Variants in NODAL observed in about 807,000 individuals in gnomAD.
NODAL encodes nodal homolog.
A neutral mutation model predicts 34.0 loss-of-function variants in NODAL; 12 were observed. That is an observed-to-expected ratio of 0.35 (90% CI 0.23 to 0.57). NODAL has a LOEUF of 0.57. Among genes scored for constraint, NODAL ranks in the 20% least tolerant of loss-of-function variants. The pLI, the probability that NODAL is intolerant of heterozygous loss-of-function variation, is 0.83. For missense variants in NODAL, 390 were observed against 444.2 expected (o/e 0.88, Z 1.10); for synonymous variants, 162 against 186.4 (o/e 0.87, Z 1.07).
In NODAL at chr10:70,435,846, T is replaced by C. The variant is rs768992025; in HGVS notation, c.331A>G (p.Ile111Val). 4 of 1,614,088 alleles carry C rather than the reference T, an allele frequency of 2.5e-6. No individual in the cohort carries two copies. In the East Asian group the frequency reaches 6.7e-5, roughly 27 times the overall value. ...VDLPTEGSLAIEIFHQPKPDT... is the reference protein window; with the variant it reads ...VDLPTEGSLAVEIFHQPKPDT... ...GGCTTTGGCTGGTGGAAAATCTCAATGGCAAGTGAGCCCTCAGTGGGGAGG... is the reference window on the plus strand; with the variant it reads ...GGCTTTGGCTGGTGGAAAATCTCAACGGCAAGTGAGCCCTCAGTGGGGAGG... The change falls in exon 2 of 3, where the codon ATT becomes GTT. Residue 111 changes from isoleucine (I) to valine (V), a missense_variant. Ile to Val is a conservative substitution (Grantham distance 29). Transcript: ENST00000287139.
At chr10:70,444,208 C>T (rs1387455353), upstream of NODAL, among the ~76,000 whole-genome samples, 3 of 152,154 alleles carry the variant, frequency 2.0e-5, no homozygotes, top group Admixed American at 6.5e-5. Context: ...GCTGGGATTA[C>T]AGGCGTGAAC....
intron 1 of NODAL, among the ~76,000 whole-genome samples, chr10:70,440,740 A>C (rs1252743503): frequency 1.3e-5 from 2 of 152,018 alleles, no homozygotes; most frequent in Non-Finnish European, 2.9e-5. Context: ...TCCCCTGCAA[A>C]TCATGGCCCC....
upstream of NODAL, among the ~76,000 whole-genome samples, chr10:70,444,771 T>C (rs987825979): frequency 6.6e-6 from 1 of 152,176 alleles, no homozygotes; most frequent in Non-Finnish European, 1.5e-5. Context: ...ACGAAATGAA[T>C]GTAAAAATGC....
At chr10:70,436,245 C>T (rs962943349) in intron 1 of NODAL, 2 of 519,426 alleles carry the variant, frequency 3.9e-6, no homozygotes, top group Non-Finnish European at 7.0e-6. Context: ...CTGGATTTGC[C>T]CAACTGCCAA....
intron 2 of NODAL, among the ~76,000 whole-genome samples, chr10:70,433,560 A>G (rs1341444018): frequency 3.3e-5 from 5 of 151,690 alleles, no homozygotes; most frequent in African/African-American, 1.2e-4. Context: ...GACTACAGGT[A>G]CATGCCACCA....
rs1210961904 is a variant in NODAL, at chr10:70,432,004, C to T, written c.*932G>A. 6.6e-6 allele frequency among the ~76,000 whole-genome samples: 1 copy of T among 152,218 alleles called. No homozygotes were observed. Among genetic ancestry groups the T allele is most frequent in the Non-Finnish European group, 1.5e-5 (1 of 68,044 alleles). On this transcript the variant is annotated 3_prime_UTR_variant, in exon 3 of 3. Coordinates refer to ENST00000287139, the MANE Select transcript of NODAL (RefSeq NM_018055.5). ...GAATGCATTAGGATTCACCAGCGTTCCTTTTACAAGTGGAGACTGGACAGT... is the reference window on the plus strand; with the variant it reads ...GAATGCATTAGGATTCACCAGCGTTTCTTTTACAAGTGGAGACTGGACAGT...
intron 1 of NODAL, among the ~76,000 whole-genome samples, chr10:70,439,364 C>T (rs1302618531): frequency 6.6e-6 from 1 of 152,172 alleles, no homozygotes; most frequent in African/African-American, 2.4e-5. Context: ...GTCACCGACA[C>T]CGCCGTCCCC....
intron 2 of NODAL, 92 bp downstream of exon 2, chr10:70,435,194 T>A: frequency 8.8e-7 from 1 of 1,137,396 alleles, no homozygotes; most frequent in East Asian, 2.6e-5. Context: ...TAACTGTGAA[T>A]ACAGGAACAT....
intron 2 of NODAL, 128 bp from the exon 3 acceptor site, chr10:70,433,216 AT>A: frequency 9.9e-7 from 1 of 1,013,412 alleles, no homozygotes; most frequent in South Asian, 1.3e-5. Flanking sequence ...GCAGAAAATT[AT>A]TTTCATAAAG....
intron 1 of NODAL, among the ~76,000 whole-genome samples, chr10:70,437,236 A>G (rs1845368004): frequency 6.6e-6 from 1 of 152,154 alleles, no homozygotes; most frequent in Non-Finnish European, 1.5e-5. Context: ...TGAGGTCAGG[A>G]GTTCGAAACC....
In NODAL at chr10:70,431,996, C is replaced by G. The variant is rs1845267456; in HGVS notation, c.*940G>C. ...TTTAATATGAATGCATTAGGATTCA[C>G]CAGCGTTCCTTTTACAAGTGGAGAC... On this transcript the variant is annotated 3_prime_UTR_variant, in exon 3 of 3. Coordinates refer to ENST00000287139, the MANE Select transcript of NODAL (RefSeq NM_018055.5). 6.6e-6 allele frequency among the ~76,000 whole-genome samples: 1 copy of G among 152,222 alleles called. No individual in the cohort carries two copies. The highest frequency in any genetic ancestry group is 2.4e-5 in the African/African-American group (1 of 41,458).
intron 1 of NODAL, among the ~76,000 whole-genome samples, chr10:70,438,127 TA>T (rs995860437): frequency 9.2e-4 from 137 of 148,614 alleles, no homozygotes; most frequent in African/African-American, 2.8e-3. Context: ...CTGTCTCTAC[TA>T]AAAAAAAAAT....
chr10:70,432,566 C>T lies in NODAL; in HGVS notation c.*370G>A, dbSNP rs558007894. The stretch of plus-strand genomic sequence containing the variant: ...AGCTATAGGTGACTTCATCCCACCT[C>T]CAAAATACATGCACATATGTCTCAA... On this transcript the variant is annotated 3_prime_UTR_variant, in exon 3 of 3. Transcript: ENST00000287139. The T allele has an allele frequency of 5.8e-6, 2 of 345,854 alleles. No homozygotes were observed. Among genetic ancestry groups the T allele is most frequent in the Non-Finnish European group, 1.1e-5 (2 of 177,194 alleles). 21.4% of individuals were successfully genotyped at this position (345,854 alleles called of 1,614,324 possible). A position where few individuals can be genotyped will look rare whatever the true frequency, so the allele number is the denominator to read the frequency against.
At chr10:70,443,408 G>A (rs1013910647), upstream of NODAL, among the ~76,000 whole-genome samples, 4 of 152,166 alleles carry the variant, frequency 2.6e-5, no homozygotes, top group East Asian at 7.7e-4. Flanking sequence ...AATAATTCAG[G>A]CCAGGTGTGG....
chr10:70,441,613 C>T lies in NODAL; in HGVS notation c.55G>A (p.Ala19Thr), dbSNP rs1393185892. ...GCAGTGGCCACCGTCGCAGCACCCG[C>T]CTGGAGTAGGGCCCACCAGGCGTGC... Reference protein sequence around the residue: ...LLHAWWALLQAGAATVATALL... With the variant: ...LLHAWWALLQTGAATVATALL... The change falls in exon 1 of 3, where the codon GCG (alanine) becomes ACG (threonine). Residue 19 changes from alanine to threonine, a missense_variant. Physicochemically the swap from Ala to Thr is moderately conservative, Grantham distance 58. Transcript: ENST00000287139. 6.4e-7 allele frequency: 1 copy of T among 1,553,566 alleles called. No individual in the cohort carries two copies. Among genetic ancestry groups the T allele is most frequent in the Non-Finnish European group, 8.7e-7 (1 of 1,149,454 alleles).
chr10:70,433,626 G>A (rs567434186), intron 2 of NODAL, among the ~76,000 whole-genome samples: 1 of 151,912 alleles, frequency 6.6e-6, no homozygotes, highest in Admixed American at 6.6e-5. Flanking sequence ...TGTTGCCCAG[G>A]CTGGTCTTGA....
upstream of NODAL, among the ~76,000 whole-genome samples, chr10:70,442,110 G>A (rs1564669529): frequency 6.6e-6 from 1 of 152,210 alleles, no homozygotes; most frequent in East Asian, 1.9e-4. Flanking sequence ...AGAATGCCGA[G>A]GGATCCTCGT....
In NODAL at chr10:70,441,673, G is replaced by A. The variant is rs373960732; in HGVS notation, c.-6C>T. 19 of 1,548,702 alleles carry A rather than the reference G, an allele frequency of 1.2e-5. No homozygotes were observed. Among genetic ancestry groups the A allele is most frequent in the Non-Finnish European group, 1.7e-5 (19 of 1,146,992 alleles). On this transcript the variant is annotated 5_prime_UTR_variant, in exon 1 of 3. Coordinates refer to ENST00000287139, the MANE Select transcript of NODAL (RefSeq NM_018055.5). ...GGCAGGCAGTGGGCGTGCATGGTGG[G>A]CTGGCCAGGCCTGAAAGCAGCACCT... is the stretch of plus-strand genomic sequence containing the variant.
chr10:70,432,013 A>G lies in NODAL; in HGVS notation c.*923T>C, dbSNP rs751431192. Among the ~76,000 whole-genome samples the G allele has an allele frequency of 6.6e-6, 1 of 152,226 alleles. No homozygotes were observed. Among genetic ancestry groups the G allele is most frequent in the African/African-American group, 2.4e-5 (1 of 41,454 alleles). On this transcript the variant is annotated 3_prime_UTR_variant, in exon 3 of 3. Transcript: ENST00000287139. ...AGGATTCACCAGCGTTCCTTTTACAAGTGGAGACTGGACAGTGAATTGCTC... is the reference window on the plus strand; with the variant it reads ...AGGATTCACCAGCGTTCCTTTTACAGGTGGAGACTGGACAGTGAATTGCTC...
Sources: gnomAD v4.1 joint callset for allele counts (sites outside exome capture counted in the v4.1 genomes callset) on GRCh38, gnomAD v4.1.1 for gene constraint, MANE v1.5 for transcripts, NCBI Gene and HGNC (gene_info 2026-07-23, HGNC 2026-07-21) for gene names.